DPY19L3: variants seen among roughly 807,000 people sequenced by gnomAD.
DPY19L3 encodes protein C-mannosyl-transferase DPY19L3.
Under a neutral mutation model 92.3 loss-of-function variants are expected in DPY19L3, and 51 were observed. The ratio of observed to expected loss-of-function variants is 0.55; its 90% confidence interval spans 0.44 to 0.70. DPY19L3 has a LOEUF of 0.70. Ranked by LOEUF, DPY19L3 falls within the 30% of genes least tolerant of loss-of-function variation. The probability of loss-of-function intolerance (pLI) is 0.00; values close to 1 mark genes in which losing one functional copy is unlikely to be tolerated. For missense variants in DPY19L3, 706 were observed against 855.9 expected (o/e 0.82, Z 2.18); for synonymous variants, 309 against 315.2 (o/e 0.98, Z 0.21).
In DPY19L3 at chr19:32,477,316, TGAA is replaced by T. The variant is rs1449289811; in HGVS notation, c.1698-205_1698-203del. 1.1e-4 allele frequency among the ~76,000 whole-genome samples: 17 copies of T among 152,112 alleles called. No individual in the cohort carries two copies. In the South Asian group the frequency reaches 2.1e-3, roughly 19 times the overall value. On this transcript the variant is annotated intron_variant, in intron 16 of 18. Transcript: ENST00000392250. Reference sequence around the variant, plus strand: ...CAAAAGTAACTGAGGTTTTTGCCATTGAAAGTAATGGCAAAAACCGCAATTACT... The same window carrying T: ...CAAAAGTAACTGAGGTTTTTGCCATTAGTAATGGCAAAAACCGCAATTACT...
intron 16 of DPY19L3, 147 bp downstream of exon 16, chr19:32,468,960 A>G (rs1599668642): frequency 4.7e-6 from 3 of 639,470 alleles, no homozygotes; most frequent in Non-Finnish European, 7.2e-6. Flanking sequence ...TTAAAACTCC[A>G]TATTTGAAAA....
intron 7 of DPY19L3, 131 bp from the exon 8 acceptor site, chr19:32,439,645 G>C (rs557517302): frequency 9.2e-6 from 8 of 869,656 alleles, no homozygotes; most frequent in South Asian, 1.8e-5. Context: ...CAAATGCAAG[G>C]GTTTTCAGAG....
intron 12 of DPY19L3, among the ~76,000 whole-genome samples, chr19:32,459,348 C>A (rs1969968435): frequency 6.6e-6 from 1 of 152,102 alleles, no homozygotes; most frequent in Non-Finnish European, 1.5e-5. Flanking sequence ...ACGAGGAAGC[C>A]CTTTTTCTGT....
rs538859279 is a variant in DPY19L3, at chr19:32,450,016, C to G, written c.856-3129C>G. On this transcript the variant is annotated intron_variant, in intron 8 of 18. Coordinates refer to ENST00000392250, the MANE Select transcript of DPY19L3 (RefSeq NM_001172774.2). ...GAATATTTGCAATCATATATCTGAT[C>G]AGGAACTCCCAGAATATATGAAGAA... Among the ~76,000 whole-genome samples the G allele has an allele frequency of 2.2e-4, 8 of 35,558 alleles. No individual in the cohort carries two copies. The East Asian group carries it at 5.4e-3, about 24-fold the overall frequency. The allele number at this position is 35,558 out of a possible 152,430, so 23.3% of individuals were successfully genotyped here.
At chr19:32,442,955 A>G (rs1348274990) in intron 8 of DPY19L3, among the ~76,000 whole-genome samples, 1 of 152,158 alleles carries the variant, frequency 6.6e-6, no homozygotes, top group Admixed American at 6.5e-5. Flanking sequence ...TGTGAAGGCC[A>G]CTTGGGAAAC....
intron 16 of DPY19L3, among the ~76,000 whole-genome samples, chr19:32,474,194 T>C (rs1353343085): frequency 6.6e-6 from 1 of 152,256 alleles, no homozygotes; most frequent in Non-Finnish European, 1.5e-5. Flanking sequence ...AAAGAGTATG[T>C]TAACAATCCA....
At chr19:32,442,286 A>G (rs1969349051) in intron 8 of DPY19L3, among the ~76,000 whole-genome samples, 1 of 152,212 alleles carries the variant, frequency 6.6e-6, no homozygotes, top group Non-Finnish European at 1.5e-5. Context: ...ACAGAGTAAA[A>G]CAGAACAGCA....
chr19:32,467,378 A>G (rs768294846), intron 15 of DPY19L3: 26 of 950,330 alleles, frequency 2.7e-5, no homozygotes, highest in African/African-American at 3.5e-5. Context: ...TTGGTATTCT[A>G]TTGGTTATCA....
At chr19:32,465,974 A>G (rs1208775538) in intron 15 of DPY19L3, among the ~76,000 whole-genome samples, 2 of 152,186 alleles carry the variant, frequency 1.3e-5, no homozygotes, top group African/African-American at 2.4e-5. Flanking sequence ...CCTTTACACA[A>G]TGATTCAGTG....
intron 15 of DPY19L3, chr19:32,468,432 TATTATCATCAC>T (rs1240728891): frequency 3.8e-6 from 4 of 1,054,736 alleles, no homozygotes; most frequent in Non-Finnish European, 4.6e-6. Context: ...TTTTGCCAGG[TATTATCATCAC>T]ATACAATAGC....
intron 16 of DPY19L3, among the ~76,000 whole-genome samples, chr19:32,475,878 A>C (rs948514659): frequency 2.6e-5 from 4 of 152,178 alleles, no homozygotes. Flanking sequence ...AGCTCATGTG[A>C]AACTTTTTTC....
At chr19:32,447,061 A>G (rs1296468581) in intron 8 of DPY19L3, among the ~76,000 whole-genome samples, 1 of 152,224 alleles carries the variant, frequency 6.6e-6, no homozygotes, top group East Asian at 1.9e-4. Context: ...GATAACAGGA[A>G]ATGTTTCAAT....
At chr19:32,441,663 A>G (rs1393918190) in intron 8 of DPY19L3, among the ~76,000 whole-genome samples, 1 of 152,010 alleles carries the variant, frequency 6.6e-6, no homozygotes, top group Non-Finnish European at 1.5e-5. Context: ...ACACCCGGCT[A>G]ATATTTGTAT....
chr19:32,428,510 G>C (rs1396499721), intron 3 of DPY19L3, among the ~76,000 whole-genome samples: 1 of 152,150 alleles, frequency 6.6e-6, no homozygotes, highest in East Asian at 1.9e-4. Flanking sequence ...AAATGAGTAA[G>C]AGGAACCACT....
At chr19:32,455,692 T>C (rs1969841766) in intron 10 of DPY19L3, among the ~76,000 whole-genome samples, 1 of 152,208 alleles carries the variant, frequency 6.6e-6, no homozygotes, top group South Asian at 2.1e-4. Flanking sequence ...GCAACAGGCC[T>C]AACAGAACAA....
intron 15 of DPY19L3, among the ~76,000 whole-genome samples, chr19:32,467,196 A>G (rs904925181): frequency 7.2e-5 from 11 of 152,320 alleles, no homozygotes; most frequent in Non-Finnish European, 1.3e-4. Context: ...GCAGTTAGTT[A>G]ATTCAGCACT....
At chr19:32,437,416 A>T in intron 6 of DPY19L3, 77 bp downstream of exon 6, 1 of 1,504,140 alleles carries the variant, frequency 6.6e-7, no homozygotes, top group Non-Finnish European at 9.0e-7. Flanking sequence ...CAGCTCAGAG[A>T]AATTTCTTCT....
chr19:32,436,988 G>C (rs1969163357), intron 5 of DPY19L3, among the ~76,000 whole-genome samples: 1 of 151,358 alleles, frequency 6.6e-6, no homozygotes. Context: ...AGCCAGACCT[G>C]TCACGGACTT....
At chr19:32,476,440 C>G (rs1242744596) in intron 16 of DPY19L3, among the ~76,000 whole-genome samples, 2 of 149,686 alleles carry the variant, frequency 1.3e-5, no homozygotes, top group African/African-American at 2.5e-5. Flanking sequence ...GTGGGAAATT[C>G]TGCACTCAGG....
Sources: allele counts gnomAD v4.1 joint callset (sites outside exome capture counted in the v4.1 genomes callset), GRCh38; gene constraint gnomAD v4.1.1; transcripts MANE v1.5; gene names NCBI Gene and HGNC (gene_info 2026-07-23, HGNC 2026-07-21).